DHX32: variants seen among roughly 807,000 people sequenced by gnomAD.
DHX32 encodes the protein DEAH-box helicase 32 (putative).
Under a neutral mutation model 70.0 loss-of-function variants are expected in DHX32, and 51 were observed. The observed-to-expected ratio is 0.73, with a 90% confidence interval of 0.58 to 0.92. The LOEUF is 0.92. DHX32 is among the 40% of genes least tolerant of loss of function. DHX32 has a pLI of 0.00. For synonymous variants in DHX32, 310 were observed against 315.3 expected (o/e 0.98, Z 0.18); for missense variants, 762 against 891.8 (o/e 0.85, Z 1.85).
intron 3 of DHX32, among the ~76,000 whole-genome samples, chr10:125,857,314 G>A (rs1004189061): frequency 2.0e-5 from 3 of 152,240 alleles, no homozygotes; most frequent in East Asian, 3.9e-4. Context: ...GCTGAAGCAG[G>A]AGAAAGAAAC....
chr10:125,867,467 T>C (rs1944227493), intron 1 of DHX32, among the ~76,000 whole-genome samples: 1 of 152,210 alleles, frequency 6.6e-6, no homozygotes, highest in Non-Finnish European at 1.5e-5. Flanking sequence ...CCGGGTGTGG[T>C]GGCTCACGCC....
At chr10:125,888,538 A>T (rs1737873837) in intron 1 of DHX32, among the ~76,000 whole-genome samples, 1 of 152,274 alleles carries the variant, frequency 6.6e-6, no homozygotes, top group African/African-American at 2.4e-5. Flanking sequence ...TTTATAATTC[A>T]TATATTTGCA....
At chr10:125,841,187 T>TTA in intron 7 of DHX32, 191 bp from the exon 8 acceptor site, 1 of 1,391,716 alleles carries the variant, frequency 7.2e-7, no homozygotes. Flanking sequence ...CCCTCTCCTT[T>TTA]TGTGTGTGTG....
At chr10:125,892,911 T>A (rs1347221439) in intron 1 of DHX32, among the ~76,000 whole-genome samples, 3 of 152,184 alleles carry the variant, frequency 2.0e-5, no homozygotes, top group Non-Finnish European at 4.4e-5. Context: ...ATTAATGCAA[T>A]GACCCCTAAC....
intron 1 of DHX32, among the ~76,000 whole-genome samples, chr10:125,891,465 C>A (rs1787723320): frequency 6.6e-6 from 1 of 152,288 alleles, no homozygotes; most frequent in Admixed American, 6.5e-5. Context: ...TAGCCACAGG[C>A]ACAGTGGCTC....
At chr10:125,869,968 A>C (rs748560431) in intron 1 of DHX32, among the ~76,000 whole-genome samples, 1 of 152,250 alleles carries the variant, frequency 6.6e-6, no homozygotes. Flanking sequence ...AGGAAGAATA[A>C]GCAGTGCCCA....
intron 2 of DHX32, 80 bp from the exon 3 acceptor site, chr10:125,860,055 C>A: frequency 2.3e-6 from 3 of 1,282,610 alleles, no homozygotes; most frequent in South Asian, 1.7e-5. Context: ...AAATGCCTTT[C>A]CTATATTCAT....
chr10:125,873,142 C>T (rs987167417), intron 1 of DHX32, among the ~76,000 whole-genome samples: 12 of 152,176 alleles, frequency 7.9e-5, no homozygotes, highest in African/African-American at 2.2e-4. Context: ...AGCGGCATCA[C>T]GTATCCGTGT....
chr10:125,850,324 C>A (rs1297865403), intron 6 of DHX32, among the ~76,000 whole-genome samples: 1 of 150,356 alleles, frequency 6.7e-6, no homozygotes, highest in Admixed American at 6.6e-5. Flanking sequence ...TCCCTGGCCT[C>A]TGCAGCCTTT....
chr10:125,888,714 G>A lies in DHX32; in HGVS notation c.-248+7504C>T, dbSNP rs558221726. ...AATATTCAAACACTATCTTAATAAA[G>A]CAAACTCTGAACTTTATTGTGATAG... On this transcript the variant is annotated intron_variant, in intron 1 of 2. Coordinates refer to the DHX32 transcript ENST00000415732. Among the ~76,000 whole-genome samples, 36 of 152,354 alleles carry A rather than the reference G, an allele frequency of 2.4e-4. No homozygotes were observed. In the East Asian group the frequency reaches 6.9e-3, roughly 29 times the overall value.
intron 6 of DHX32, chr10:125,842,679 A>C (rs182840541): frequency 3.8e-6 from 1 of 266,186 alleles, no homozygotes; most frequent in Admixed American, 6.5e-5. Flanking sequence ...AGAGGCATGA[A>C]AAGCAGGAAA....
At chr10:125,852,949 T>C (rs529609690) in intron 4 of DHX32, among the ~76,000 whole-genome samples, 1 of 152,320 alleles carries the variant, frequency 6.6e-6, no homozygotes, top group East Asian at 1.9e-4. Flanking sequence ...TGATAACATA[T>C]GCTCATATGT....
At chr10:125,887,635 G>A (rs1198125305) in intron 1 of DHX32, among the ~76,000 whole-genome samples, 1 of 151,570 alleles carries the variant, frequency 6.6e-6, no homozygotes, top group African/African-American at 2.4e-5. Context: ...GTGTTTGTGT[G>A]TGTGTTTTTT....
chr10:125,893,991 T>A (rs1224001045), intron 1 of DHX32, among the ~76,000 whole-genome samples: 1 of 152,236 alleles, frequency 6.6e-6, no homozygotes, highest in Non-Finnish European at 1.5e-5. Context: ...ATTGTTACTT[T>A]GTTATTCCCG....
At chr10:125,893,561 G>C (rs1173705702) in intron 1 of DHX32, among the ~76,000 whole-genome samples, 12 of 152,208 alleles carry the variant, frequency 7.9e-5, no homozygotes, top group Non-Finnish European at 1.8e-4. Context: ...TTAGACTGTG[G>C]ACGAGTAAAG....
chr10:125,845,144 C>T (rs879548936), intron 6 of DHX32, among the ~76,000 whole-genome samples: 5 of 152,196 alleles, frequency 3.3e-5, no homozygotes, highest in Admixed American at 6.5e-5. Flanking sequence ...TCCAAGGCCA[C>T]GGCAGTTCCA....
rs1220755949 is a variant in DHX32 at position 125,841,812 on chromosome 10, T to A, written c.1474A>T (p.Lys492Ter). The A allele has an allele frequency of 6.2e-7, 1 of 1,613,772 alleles. No homozygotes were observed. Among genetic ancestry groups the A allele is most frequent in the Middle Eastern group, 1.6e-4 (1 of 6,062 alleles). ...SEFPLDPQLS[K>*]SILASCEFDC... ...AATTCACAGGACGCTAAGATAGACT[T>A]CGAGAGTTGTGGATCAAGAGGAAAC... is the stretch of plus-strand genomic sequence containing the variant. Residue 492 changes from lysine (K) to a stop codon, truncating the protein, a stop_gained, in exon 7 of 11, where the codon AAG (lysine) becomes TAG (stop). Coordinates refer to ENST00000284690, the MANE Select transcript of DHX32 (RefSeq NM_018180.3). LOFTEE classifies it high-confidence loss of function.
chr10:125,875,547 TGAA>T (rs1944279307), intron 1 of DHX32, among the ~76,000 whole-genome samples: 1 of 152,196 alleles, frequency 6.6e-6, no homozygotes, highest in South Asian at 2.1e-4. Flanking sequence ...AAATAAATGA[TGAA>T]GGAGAGAAAG....
rs971375783 is a variant in DHX32, at chr10:125,877,989, G to A, written c.282+2554C>T. On this transcript the variant is annotated intron_variant, in intron 1 of 10. Transcript: ENST00000284690. ...TATGGTCTATTCTAATTCTTACATC[G>A]CGAGAATCTAGAAATGAATTTCATG... 3.3e-5 allele frequency among the ~76,000 whole-genome samples: 5 copies of A among 151,946 alleles called. 1 individual carries two copies. Among genetic ancestry groups the A allele is most frequent in the South Asian group, 4.2e-4 (2 of 4,816 alleles).
Sources: gnomAD v4.1 joint callset for allele counts (sites outside exome capture counted in the v4.1 genomes callset) on GRCh38, gnomAD v4.1.1 for gene constraint, MANE v1.5 for transcripts, NCBI Gene and HGNC (gene_info 2026-07-23, HGNC 2026-07-21) for gene names.